ROBO1: variants seen among roughly 807,000 people sequenced by gnomAD.
The protein encoded by ROBO1 is roundabout guidance receptor 1.
In ROBO1, 149 loss-of-function variants were observed where a neutral mutation model predicts 195.9. The observed-to-expected ratio is 0.76, with a 90% CI of 0.67 to 0.87. The LOEUF is 0.87. Ranked by LOEUF, ROBO1 falls within the 40% of genes least tolerant of loss-of-function variation. ROBO1 has a pLI of 0.00. For missense variants in ROBO1, 1,933 were observed against 2,068.3 expected, an observed-to-expected ratio of 0.93 and a Z score of 1.27; for synonymous variants, 816 against 733.2, an observed-to-expected ratio of 1.11 and a Z score of -1.82.
intron 2 of ROBO1, among the ~76,000 whole-genome samples, chr3:79,565,140 T>A (rs974690490): frequency 6.6e-6 from 1 of 152,104 alleles, no homozygotes; most frequent in Non-Finnish European, 1.5e-5. Context: ...GATAATGGCT[T>A]AGAATCATTG....
At chr3:79,492,018 A>G (rs1224509252) in intron 2 of ROBO1, among the ~76,000 whole-genome samples, 1 of 150,830 alleles carries the variant, frequency 6.6e-6, no homozygotes, top group East Asian at 2.0e-4. Context: ...TTTTGGTTGT[A>G]ACTTACATTT....
intron 22 of ROBO1, among the ~76,000 whole-genome samples, chr3:78,637,573 A>G (rs1705598397): frequency 6.6e-6 from 1 of 152,214 alleles, no homozygotes; most frequent in African/African-American, 2.4e-5. Flanking sequence ...TATTAAATTC[A>G]ATGTAAATAG....
chr3:78,598,915 A>G lies in ROBO1; in HGVS notation c.4954T>C (p.Ter1652ArgextTer7). 6.3e-7 allele frequency: 1 copy of G among 1,575,032 alleles called. No homozygotes were observed. The highest frequency in any genetic ancestry group is 8.6e-7 in the Non-Finnish European group (1 of 1,156,456). ...NNEELEETES[*>R] ...TCTCATAAGCCTCTTGGTTGTCTTC[A>G]GCTTTCAGTTTCCTGTAAGAGATAC... The change falls in exon 31 of 31, where the codon TGA becomes CGA. Residue 1652 changes from the stop codon to arginine, a stop_lost. Coordinates refer to ENST00000464233, the MANE Select transcript of ROBO1 (RefSeq NM_002941.4).
intron 1 of ROBO1, among the ~76,000 whole-genome samples, chr3:79,719,440 C>A (rs1055111429): frequency 1.3e-5 from 2 of 152,040 alleles, no homozygotes; most frequent in African/African-American, 4.8e-5. Context: ...GACAAAAGGG[C>A]ATTTTTATTC....
intron 2 of ROBO1, among the ~76,000 whole-genome samples, chr3:79,394,865 T>C (rs939302869): frequency 1.3e-5 from 2 of 152,316 alleles, no homozygotes; most frequent in African/African-American, 4.8e-5. Context: ...TTCTAATATA[T>C]ATGTTTTGAT....
At chr3:78,911,860 A>T (rs2038263428) in intron 4 of ROBO1, among the ~76,000 whole-genome samples, 1 of 152,036 alleles carries the variant, frequency 6.6e-6, no homozygotes, top group Non-Finnish European at 1.5e-5. Flanking sequence ...ACTATTAAAC[A>T]CCACTTCCCA....
intron 2 of ROBO1, among the ~76,000 whole-genome samples, chr3:79,367,532 C>T (rs1402035631): frequency 6.6e-6 from 1 of 152,206 alleles, no homozygotes; most frequent in African/African-American, 2.4e-5. Flanking sequence ...ACACAGTTTG[C>T]CTGACTACTG....
At position 79,150,084 on chromosome 3, in the gene ROBO1, G is replaced by C. The variant is rs569884002; in HGVS notation, c.89-24545C>G. Among the ~76,000 whole-genome samples, 4 of 151,856 alleles carry C rather than the reference G, an allele frequency of 2.6e-5. No individual in the cohort carries two copies. In the South Asian group the frequency reaches 8.3e-4, roughly 32 times the overall value. ...ACACTGAGCCTCCAGTAATTTGTCAGTTGCAGTTCAGATTTTCCCATCTAG... is the reference window on the plus strand; with the variant it reads ...ACACTGAGCCTCCAGTAATTTGTCACTTGCAGTTCAGATTTTCCCATCTAG... On this transcript the variant is annotated intron_variant, in intron 2 of 30. Coordinates refer to ENST00000464233, the MANE Select transcript of ROBO1 (RefSeq NM_002941.4).
intron 2 of ROBO1, among the ~76,000 whole-genome samples, chr3:79,396,768 A>G (rs2037170358): frequency 6.6e-6 from 1 of 152,144 alleles, no homozygotes; most frequent in Non-Finnish European, 1.5e-5. Context: ...GTAGTTATGT[A>G]TATACTTGGC....
chr3:79,153,751 A>G (rs1267827637), intron 2 of ROBO1, among the ~76,000 whole-genome samples: 1 of 147,952 alleles, frequency 6.8e-6, no homozygotes, highest in Non-Finnish European at 1.5e-5. Context: ...GTATTTATAT[A>G]TAATATAAAT....
intron 4 of ROBO1, among the ~76,000 whole-genome samples, chr3:78,804,627 A>G (rs1474534002): frequency 6.6e-6 from 1 of 151,580 alleles, no homozygotes; most frequent in African/African-American, 2.4e-5. Flanking sequence ...AAAAAAATAA[A>G]GTTATTGGGC....
chr3:79,427,434 G>A (rs1389452347), intron 2 of ROBO1, among the ~76,000 whole-genome samples: 1 of 152,170 alleles, frequency 6.6e-6, no homozygotes, highest in African/African-American at 2.4e-5. Flanking sequence ...GGAGAACGTT[G>A]TGTTTAGGGG....
intron 26 of ROBO1, among the ~76,000 whole-genome samples, chr3:78,620,883 A>ATATGTGTGTGTGTGTGTGTGTG (rs368794312): frequency 5.1e-3 from 740 of 144,642 alleles, no homozygotes; most frequent in Admixed American, 7.8e-3. Context: ...ATATATATAT[A>ATATGTGTGTGTGTGTGTGTGTG]TGTGTGTGTG....
chr3:78,829,717 CTTGAGA>C (rs2031973230), intron 4 of ROBO1, among the ~76,000 whole-genome samples: 2 of 152,152 alleles, frequency 1.3e-5, no homozygotes. Flanking sequence ...AATGCTCCCT[CTTGAGA>C]TAAGAAAAGC....
chr3:78,941,214 C>T (rs547775007), intron 3 of ROBO1, among the ~76,000 whole-genome samples: 21 of 152,080 alleles, frequency 1.4e-4, no homozygotes, highest in African/African-American at 3.1e-4. Context: ...GCTTAGTGCA[C>T]GTATACAGCA....
At chr3:79,410,271 A>G (rs1203804819) in intron 2 of ROBO1, among the ~76,000 whole-genome samples, 2 of 152,054 alleles carry the variant, frequency 1.3e-5, no homozygotes, top group African/African-American at 4.8e-5. Flanking sequence ...CAAAACAAGC[A>G]AAAAGTTATA....
intron 5 of ROBO1, among the ~76,000 whole-genome samples, chr3:78,718,090 T>C (rs1469160384): frequency 6.6e-6 from 1 of 152,320 alleles, no homozygotes; most frequent in Non-Finnish European, 1.5e-5. Flanking sequence ...AGCAAAAATG[T>C]TTCTCCTTAC....
intron 2 of ROBO1, among the ~76,000 whole-genome samples, chr3:79,324,705 C>T (rs2034133663): frequency 6.6e-6 from 1 of 152,022 alleles, no homozygotes; most frequent in Non-Finnish European, 1.5e-5. Context: ...AGAGAACAGA[C>T]CAGGTTAAGG....
chr3:79,154,145 G>A (rs184112984), intron 2 of ROBO1, among the ~76,000 whole-genome samples: 3 of 151,828 alleles, frequency 2.0e-5, no homozygotes, highest in Admixed American at 2.0e-4. Flanking sequence ...TCTAAAACCT[G>A]CCCATACATA....
Sources: gnomAD v4.1 joint callset for allele counts (sites outside exome capture counted in the v4.1 genomes callset) on GRCh38, gnomAD v4.1.1 for gene constraint, MANE v1.5 for transcripts, NCBI Gene and HGNC (gene_info 2026-07-23, HGNC 2026-07-21) for gene names.